The following BRCA1 variants were observed in gnomAD, a reference collection of about 807,000 sequenced individuals.
The protein encoded by BRCA1 is breast cancer type 1 susceptibility protein.
A neutral mutation model predicts 173.7 loss-of-function variants in BRCA1; 140 were observed. That is an observed-to-expected ratio of 0.81 (90% CI 0.70 to 0.93). The LOEUF is 0.93. Among genes scored for constraint, BRCA1 ranks in the 40% least tolerant of loss-of-function variants. The pLI is 0.00. For synonymous variants in BRCA1, 662 were observed against 756.0 expected (o/e 0.88, Z 2.04); for missense variants, 1,983 against 2,172.5 (o/e 0.91, Z 1.73).
intron 2 of BRCA1, among the ~76,000 whole-genome samples, chr17:43,121,270 G>C (rs2055555252): frequency 6.6e-6 from 1 of 151,898 alleles, no homozygotes; most frequent in African/African-American, 2.4e-5. Context: ...AGCTACTCGG[G>C]AGGCTGAGGC....
chr17:43,066,710 C>T (rs2153668109), intron 16 of BRCA1, among the ~76,000 whole-genome samples: 1 of 151,608 alleles, frequency 6.6e-6, no homozygotes, highest in African/African-American at 2.4e-5. Context: ...CGTCCAGCTG[C>T]CTCACTTGTT....
At chr17:43,169,922 G>T in intron 1 of BRCA1, 1 of 450,240 alleles carries the variant, frequency 2.2e-6, no homozygotes, top group Non-Finnish European at 4.5e-6. Flanking sequence ...TGTTGACGTT[G>T]GCCAGGACCT....
chr17:43,072,530 G>A (rs1005427473), intron 14 of BRCA1, among the ~76,000 whole-genome samples: 9 of 151,726 alleles, frequency 5.9e-5, no homozygotes, highest in South Asian at 2.1e-4. Context: ...AGCCTCCTGA[G>A]TAGCTGGGAC....
At chr17:43,159,233 A>G (rs1443706113) in intron 1 of BRCA1, among the ~76,000 whole-genome samples, 1 of 152,246 alleles carries the variant, frequency 6.6e-6, no homozygotes, top group Non-Finnish European at 1.5e-5. Context: ...GCCTCTCGAC[A>G]GAGATCCTGT....
At chr17:43,109,518 G>C (rs555530019) in intron 3 of BRCA1, among the ~76,000 whole-genome samples, 1 of 152,060 alleles carries the variant, frequency 6.6e-6, no homozygotes, top group South Asian at 2.1e-4. Flanking sequence ...CTTCTTCGCC[G>C]ATATAGATGC....
At chr17:43,082,715 T>C in intron 11 of BRCA1, 140 bp from the exon 12 acceptor site, 1 of 892,822 alleles carries the variant, frequency 1.1e-6, no homozygotes, top group Non-Finnish European at 1.8e-6. Flanking sequence ...GCTGAACACC[T>C]TTTAATCTAA....
At chr17:43,144,264 C>A in intron 1 of BRCA1, 1 of 306,768 alleles carries the variant, frequency 3.3e-6, no homozygotes, top group Non-Finnish European at 6.6e-6. Context: ...CTTGTAAGGG[C>A]GAAAAGCCCC....
chr17:43,127,217 A>C (rs1288344877), upstream of BRCA1, among the ~76,000 whole-genome samples: 1 of 152,216 alleles, frequency 6.6e-6, no homozygotes, highest in Non-Finnish European at 1.5e-5. Flanking sequence ...GGCGCCCGGC[A>C]CAGCCCTGCG....
intron 3 of BRCA1, among the ~76,000 whole-genome samples, chr17:43,111,560 A>G (rs1490780009): frequency 6.6e-6 from 1 of 150,842 alleles, no homozygotes; most frequent in Non-Finnish European, 1.5e-5. Context: ...GGTGGCTCAC[A>G]CTTGTAATCC....
At chr17:43,066,696 A>G (rs965837640) in intron 16 of BRCA1, among the ~76,000 whole-genome samples, 9 of 151,000 alleles carry the variant, frequency 6.0e-5, no homozygotes, top group African/African-American at 2.2e-4. Context: ...GATGCGAGCC[A>G]CCGCGTCCAG....
rs8176276 is a variant in BRCA1 at position 43,058,585 on chromosome 17, T to C, written c.5194-1450A>G. On this transcript the variant is annotated intron_variant, in intron 18 of 22. Coordinates refer to ENST00000357654, the MANE Select transcript of BRCA1 (RefSeq NM_007294.4). ...GGCTTTTCACCTCACTGGGACTTAA[T>C]GTATTTTAATTTTCAACATCTATCT... Among the ~76,000 whole-genome samples the C allele has an allele frequency of 1.7e-3, 252 of 152,318 alleles. 8 individuals carry two copies. In the East Asian group the frequency reaches 0.032, roughly 19 times the overall value.
At chr17:43,163,914 T>C (rs1366592947) in intron 1 of BRCA1, 2 of 152,230 alleles carry the variant, frequency 1.3e-5, no homozygotes, top group Non-Finnish European at 2.9e-5. Context: ...CTTTGGGATA[T>C]AGCAGAGAGA....
At chr17:43,138,097 T>C (rs2056042496) in intron 1 of BRCA1, 1 of 160,670 alleles carries the variant, frequency 6.2e-6, no homozygotes, top group African/African-American at 2.4e-5. Context: ...TGAGGCAGAA[T>C]TGCCTGAACG....
chr17:43,122,172 C>T (rs1377026993), intron 2 of BRCA1, among the ~76,000 whole-genome samples: 2 of 152,122 alleles, frequency 1.3e-5, no homozygotes, highest in African/African-American at 4.8e-5. Flanking sequence ...ATCTGATTAA[C>T]TTGACTTCAA....
At chr17:43,125,225 C>G (rs1292324820) in intron 1 of BRCA1, 46 bp downstream of exon 1, 1 of 455,954 alleles carries the variant, frequency 2.2e-6, no homozygotes, top group Non-Finnish European at 4.4e-6. Flanking sequence ...GCCAGTACCC[C>G]AGAGCATCAC....
chr17:43,146,130 T>C (rs1306112923), intron 1 of BRCA1, among the ~76,000 whole-genome samples: 1 of 152,088 alleles, frequency 6.6e-6, no homozygotes, highest in Non-Finnish European at 1.5e-5. Flanking sequence ...ATATGTAGTA[T>C]ACATGCTATT....
At chr17:43,133,678 A>G (rs906799464) in intron 1 of BRCA1, among the ~76,000 whole-genome samples, 1 of 136,668 alleles carries the variant, frequency 7.3e-6, no homozygotes, top group Non-Finnish European at 1.5e-5. Context: ...TCTGTTACCC[A>G]GGCTGGAGTG....
chr17:43,063,369 C>A lies in BRCA1; in HGVS notation c.5157G>T (p.Val1719=), dbSNP rs28897697. The A allele has an allele frequency of 5.5e-5, 89 of 1,611,588 alleles. No individual in the cohort carries two copies. The highest frequency in any genetic ancestry group is 7.0e-5 in the Non-Finnish European group (83 of 1,177,960). ...TTTTTCTTTCTTTAATAGACTGGGT[C>A]ACCCCTAAAGAGATCATAGAAAAGA... ...GGKWVVSYFW[V]TQSIKERKML... is the part of the protein sequence containing the mutation. The change falls in exon 18 of 23, where the codon GTG becomes GTT. Residue 1719 remains valine (V), a synonymous_variant. Transcript: ENST00000357654.
At chr17:43,133,705 G>A (rs569711010) in intron 1 of BRCA1, among the ~76,000 whole-genome samples, 1 of 145,700 alleles carries the variant, frequency 6.9e-6, no homozygotes, top group Non-Finnish European at 1.5e-5. Flanking sequence ...CATGATCTTC[G>A]CTCACTGCAA....
Sources: allele counts gnomAD v4.1 joint callset (sites outside exome capture counted in the v4.1 genomes callset), GRCh38; gene constraint gnomAD v4.1.1; transcripts MANE v1.5; gene names NCBI Gene and HGNC (gene_info 2026-07-23, HGNC 2026-07-21).